Variants in STARD13 observed in about 807,000 individuals in gnomAD.
The protein encoded by STARD13 is StAR related lipid transfer domain containing 13.
Under a neutral mutation model 106.4 loss-of-function variants are expected in STARD13, and 62 were observed. That is an observed-to-expected ratio of 0.58 (90% CI 0.48 to 0.72). The LOEUF (loss-of-function observed/expected upper bound fraction) is 0.72. Among genes scored for constraint, STARD13 ranks in the 30% least tolerant of loss-of-function variants. The pLI is 0.00. For synonymous variants in STARD13, 565 were observed against 553.0 expected (o/e 1.02, Z -0.31); for missense variants, 1,387 against 1,424.0 (o/e 0.97, Z 0.42).
At chr13:33,349,304 GA>G (rs2078047763) in intron 1 of STARD13, 1 of 696,228 alleles carries the variant, frequency 1.4e-6, no homozygotes, top group African/African-American at 1.8e-5. Flanking sequence ...CCCAGTCCCC[GA>G]AGCATCTTCC....
the STARD13 span, among the ~76,000 whole-genome samples, chr13:33,618,989 A>AT: frequency 1.2e-3 from 185 of 152,040 alleles, no homozygotes; most frequent in African/African-American, 4.3e-3. Context: ...AGAGGAAAAA[A>AT]TTCCATGAGT....
At chr13:33,639,269 G>A in the STARD13 span, among the ~76,000 whole-genome samples, 1 of 152,196 alleles carries the variant, frequency 6.6e-6, no homozygotes, top group African/African-American at 2.4e-5. Flanking sequence ...GTGGAATTCA[G>A]TCATGGGAAT....
rs201961396 is a variant in STARD13 at position 33,110,658 on chromosome 13, G to T, written c.2829+28C>A. 1.5e-5 allele frequency: 24 copies of T among 1,581,122 alleles called. No homozygotes were observed. In the East Asian group the frequency reaches 3.4e-4, roughly 22 times the overall value. ...GATTGTTAGCTGTGGCTTTCTGGGGGTGATCTTTTTCCATCCTCTGAGATT... is the reference window on the plus strand; with the variant it reads ...GATTGTTAGCTGTGGCTTTCTGGGGTTGATCTTTTTCCATCCTCTGAGATT... On this transcript the variant is annotated intron_variant, in intron 11 of 13. Coordinates refer to ENST00000336934, the MANE Select transcript of STARD13 (RefSeq NM_178006.4).
the STARD13 span, among the ~76,000 whole-genome samples, chr13:33,629,824 C>T: frequency 6.6e-6 from 1 of 152,122 alleles, no homozygotes; most frequent in Non-Finnish European, 1.5e-5. Context: ...TGCCTCTTTC[C>T]CTGACCCCTT....
chr13:33,557,165 A>G, the STARD13 span, among the ~76,000 whole-genome samples: 2 of 152,026 alleles, frequency 1.3e-5, no homozygotes, highest in African/African-American at 4.8e-5. Flanking sequence ...TTGAAAGAAT[A>G]TTGTTTCCCC....
intron 1 of STARD13, chr13:33,280,752 G>A (rs187691487): frequency 2.6e-5 from 4 of 152,290 alleles, no homozygotes; most frequent in Admixed American, 2.0e-4. Context: ...ATGTAAATAT[G>A]CATTGCTTTT....
chr13:33,118,214 C>T lies in STARD13; in HGVS notation c.2132G>A (p.Arg711His), dbSNP rs781620333. 3.3e-5 allele frequency: 54 copies of T among 1,613,980 alleles called. No individual in the cohort carries two copies. The highest frequency in any genetic ancestry group is 1.8e-4 in the South Asian group (16 of 91,080). ...SGVKSRIHAL[R>H]QMNENFPENV... ...CTCAGGGAAGTTTTCATTCATTTGG[C>T]GAAGGGCATGGATTCGAGACTTCAC... The change falls in exon 8 of 14, where the codon CGC (arginine) becomes CAC (histidine). Residue 711 changes from arginine (R) to histidine (H), a missense_variant. Physicochemically the swap from Arg to His is conservative, Grantham distance 29. Coordinates refer to ENST00000336934, the MANE Select transcript of STARD13 (RefSeq NM_178006.4).
In STARD13 at chr13:33,104,177, C is replaced by T. The variant is rs1056961697; in HGVS notation, c.*1416G>A. The T allele has an allele frequency of 6.6e-6, 1 of 152,198 alleles. No individual in the cohort carries two copies. The allele number at this position is 152,198 out of a possible 1,614,324, so 9.4% of individuals were successfully genotyped here. On this transcript the variant is annotated 3_prime_UTR_variant, in exon 14 of 14. Transcript: ENST00000336934. Reference sequence around the variant, plus strand: ...GGATGACCAAAGAAAATCTCTCTCCCTGAAATCAAACACACAATAAGTTAT... The same window carrying T: ...GGATGACCAAAGAAAATCTCTCTCCTTGAAATCAAACACACAATAAGTTAT...
the STARD13 span, among the ~76,000 whole-genome samples, chr13:33,594,105 A>C: frequency 6.6e-6 from 1 of 151,724 alleles, no homozygotes; most frequent in African/African-American, 2.4e-5. Context: ...ATAGGGTTTC[A>C]CCATATTTCC....
chr13:33,653,673 T>C, the STARD13 span, among the ~76,000 whole-genome samples: 1 of 148,354 alleles, frequency 6.7e-6, no homozygotes, highest in Non-Finnish European at 1.5e-5. Context: ...AGAAAAAAGA[T>C]CAATTGGATT....
At chr13:33,107,839 C>T (rs747702703) in intron 12 of STARD13, among the ~76,000 whole-genome samples, 2 of 152,098 alleles carry the variant, frequency 1.3e-5, no homozygotes, top group African/African-American at 2.4e-5. Flanking sequence ...TCCCTTTCTA[C>T]CCCAGGGATC....
the STARD13 span, among the ~76,000 whole-genome samples, chr13:33,385,188 C>A: frequency 3.3e-5 from 3 of 92,208 alleles, no homozygotes; most frequent in Admixed American, 1.5e-4. Flanking sequence ...CCTTGGAAAT[C>A]CAGATTTTTG....
the STARD13 span, among the ~76,000 whole-genome samples, chr13:33,379,475 A>G: frequency 6.6e-6 from 1 of 152,100 alleles, no homozygotes. Flanking sequence ...TATTGACATG[A>G]CCCCATCTCT....
At chr13:33,385,222 T>TGA in the STARD13 span, among the ~76,000 whole-genome samples, 10 of 100,192 alleles carry the variant, frequency 1.0e-4, no homozygotes, top group African/African-American at 4.0e-4. Flanking sequence ...GTTCGGAATA[T>TGA]ATATATATAT....
chr13:33,497,200 G>T, the STARD13 span, among the ~76,000 whole-genome samples: 5 of 152,092 alleles, frequency 3.3e-5, no homozygotes, highest in Non-Finnish European at 7.4e-5. Context: ...AAAATGATCT[G>T]CTGGGCTCCT....
At chr13:33,634,168 C>T in the STARD13 span, among the ~76,000 whole-genome samples, 1 of 152,178 alleles carries the variant, frequency 6.6e-6, no homozygotes, top group Non-Finnish European at 1.5e-5. Flanking sequence ...AGATTTCTTA[C>T]ATACCTTATT....
At chr13:33,392,460 C>T in the STARD13 span, among the ~76,000 whole-genome samples, 9 of 152,104 alleles carry the variant, frequency 5.9e-5, no homozygotes. Context: ...AGTGCAGTGG[C>T]GCTATCTCAG....
At position 33,112,627 on chromosome 13, in the gene STARD13, G is replaced by T. The variant is rs559415475; in HGVS notation, c.2492+94C>A. 146 of 1,001,998 alleles carry T rather than the reference G, an allele frequency of 1.5e-4. 1 individual carries two copies. The highest frequency in any genetic ancestry group is 8.0e-4 in the South Asian group (47 of 58,826). The allele number at this position is 1,001,998 out of a possible 1,614,324, so 62.1% of individuals were successfully genotyped here. A position where few individuals can be genotyped will look rare whatever the true frequency, so the allele number is the denominator to read the frequency against. ...AATCTGTCTACCAATATATCCATTC[G>T]TATCTATCTATCCATCCATCCATCC... On this transcript the variant is annotated intron_variant, in intron 9 of 13. Transcript: ENST00000336934.
chr13:33,402,177 A>G, the STARD13 span, among the ~76,000 whole-genome samples: 1 of 152,246 alleles, frequency 6.6e-6, no homozygotes, highest in Admixed American at 6.5e-5. Flanking sequence ...TTATATTCAA[A>G]TTGTACATCT....
Sources: allele counts gnomAD v4.1 joint callset (sites outside exome capture counted in the v4.1 genomes callset), GRCh38; gene constraint gnomAD v4.1.1; transcripts MANE v1.5; gene names NCBI Gene and HGNC (gene_info 2026-07-23, HGNC 2026-07-21).